Variants in ASB5 observed in about 807,000 individuals in gnomAD.
ASB5 encodes ankyrin repeat and SOCS box protein 5.
In ASB5, 45 loss-of-function variants were observed where a neutral mutation model predicts 42.1. That is an observed-to-expected ratio of 1.07 (90% CI 0.84 to 1.37). ASB5 has a LOEUF of 1.37. ASB5 is among the 40% of genes most tolerant of loss of function. The pLI, the probability that ASB5 is intolerant of heterozygous loss-of-function variation, is 0.00. For synonymous variants in ASB5, 147 were observed against 150.6 expected (o/e 0.98, Z 0.18); for missense variants, 402 against 399.8 (o/e 1.01, Z -0.05).
At chr4:176,243,723 C>T (rs1753855771) in intron 1 of ASB5, among the ~76,000 whole-genome samples, 1 of 152,014 alleles carries the variant, frequency 6.6e-6, no homozygotes, top group Non-Finnish European at 1.5e-5. Context: ...AGGCTGGTCT[C>T]GAACCGCTGA....
chr4:176,217,114 G>T (rs1055503486), intron 5 of ASB5, 105 bp from the exon 6 acceptor site: 5 of 899,290 alleles, frequency 5.6e-6, no homozygotes, highest in Non-Finnish European at 8.6e-6. Flanking sequence ...AGGTTATTAA[G>T]GGGACTTCAA....
At chr4:176,272,758 C>T (rs1465063000), upstream of ASB5, among the ~76,000 whole-genome samples, 1 of 152,024 alleles carries the variant, frequency 6.6e-6, no homozygotes, top group African/African-American at 2.4e-5. Context: ...TTTAAATTCT[C>T]ATAAAAGAGG....
chr4:176,215,567 G>T lies in ASB5; in HGVS notation c.*33C>A. ...CTTAAGCAAAAGAAATAGAAATTTT[G>T]ATTTTCAAGGTATTTAGAATTACTT... On this transcript the variant is annotated 3_prime_UTR_variant, in exon 7 of 7. Transcript: ENST00000296525. The T allele has an allele frequency of 6.3e-7, 1 of 1,587,660 alleles. No individual in the cohort carries two copies. The highest frequency in any genetic ancestry group is 1.1e-5 in the South Asian group (1 of 88,158).
intron 1 of ASB5, among the ~76,000 whole-genome samples, chr4:176,261,072 C>T (rs966457435): frequency 3.3e-5 from 5 of 152,066 alleles, no homozygotes; most frequent in African/African-American, 1.2e-4. Context: ...AGAGGTGTTC[C>T]AAATACTTCA....
intron 1 of ASB5, among the ~76,000 whole-genome samples, chr4:176,233,448 TA>T (rs35249968): frequency 0.16 from 23,891 of 152,200 alleles, 2,482 homozygotes; most frequent in Middle Eastern, 0.29. Flanking sequence ...AATCCATTTC[TA>T]AAAGCCAGCA....
chr4:176,238,295 T>G (rs1218835198), intron 1 of ASB5, among the ~76,000 whole-genome samples: 9 of 152,046 alleles, frequency 5.9e-5, no homozygotes, highest in Admixed American at 4.6e-4. Context: ...TAGAATTGGC[T>G]TCAATACAAA....
intron 2 of ASB5, among the ~76,000 whole-genome samples, chr4:176,274,909 A>ATTTTTTTTTTTTTTTTTTTTTTTTTTTT (rs35690692): frequency 1.9e-5 from 2 of 106,304 alleles, no homozygotes; most frequent in Non-Finnish European, 3.7e-5. Flanking sequence ...CAGCATAGCA[A>ATTTTTTTTTTTTTTTTTTTTTTTTTTTT]TTTTTTTTTT....
In ASB5 at chr4:176,215,829, T is replaced by C. The variant is rs114954525; in HGVS notation, c.863-102A>G. On this transcript the variant is annotated intron_variant, in intron 6 of 6. Coordinates refer to ENST00000296525, the MANE Select transcript of ASB5 (RefSeq NM_080874.4). ...CCATAAAAACTACAATGCTTTGTAG[T>C]AAACCTAGGATAGCATGACCACTAT... The C allele has an allele frequency of 1.0e-3, 1,202 of 1,186,772 alleles. 8 individuals carry two copies. The African/African-American group carries it at 0.015, about 15-fold the overall frequency. 73.5% of individuals were successfully genotyped at this position (1,186,772 alleles called of 1,614,324 possible).
chr4:176,219,585 T>TATATATATTTGTATGATATATAA (rs1753135626), intron 5 of ASB5, among the ~76,000 whole-genome samples: 1 of 26,462 alleles, frequency 3.8e-5, no homozygotes, highest in Non-Finnish European at 8.0e-5. Flanking sequence ...GATATATATA[T>TATATATATTTGTATGATATATAA]ATATATATAT....
At chr4:176,224,370 G>A (rs912115114) in intron 2 of ASB5, among the ~76,000 whole-genome samples, 3 of 151,810 alleles carry the variant, frequency 2.0e-5, no homozygotes, top group Admixed American at 2.0e-4. Context: ...AAGTAGCTGG[G>A]ACTACAGGTG....
At chr4:176,216,272 G>C (rs1043484212) in intron 6 of ASB5, among the ~76,000 whole-genome samples, 3 of 152,112 alleles carry the variant, frequency 2.0e-5, no homozygotes, top group Non-Finnish European at 4.4e-5. Context: ...TGCATATAAT[G>C]CATTACTGAA....
Position 176,221,245 on chromosome 4 carries a change from C to T in ASB5, c.580G>A (p.Val194Ile), listed in dbSNP as rs1003817949. 2.5e-6 allele frequency: 4 copies of T among 1,614,024 alleles called. No homozygotes were observed. Among genetic ancestry groups the T allele is most frequent in the African/African-American group, 1.3e-5 (1 of 74,920 alleles). Residue 194 changes from valine (V) to isoleucine (I), a missense_variant, in exon 5 of 7, where the codon GTT becomes ATT. Val to Ile is a conservative substitution (Grantham distance 29). Coordinates refer to ENST00000296525, the MANE Select transcript of ASB5 (RefSeq NM_080874.4). The stretch of plus-strand genomic sequence containing the variant: ...CCCAAATGAGGAATTTCTTGGTCAA[C>T]ATCTATGCCCCAGGATATCAGGATG... ...LDILISWGID[V>I]DQEIPHLGTP...
At chr4:176,270,635 C>A (rs1754451905), upstream of ASB5, among the ~76,000 whole-genome samples, 1 of 152,120 alleles carries the variant, frequency 6.6e-6, no homozygotes, top group Non-Finnish European at 1.5e-5. Flanking sequence ...GCTAGGCAGA[C>A]ATTAATTAGA....
At chr4:176,238,521 A>G (rs1411730633) in intron 1 of ASB5, among the ~76,000 whole-genome samples, 3 of 152,242 alleles carry the variant, frequency 2.0e-5, no homozygotes, top group Non-Finnish European at 4.4e-5. Flanking sequence ...CACAGAGTCT[A>G]TGATGGAATC....
rs533965819 is a variant in ASB5 at position 176,265,257 on chromosome 4, T to C, written c.196+3656A>G. On this transcript the variant is annotated intron_variant, in intron 1 of 6. Coordinates refer to ENST00000296525, the MANE Select transcript of ASB5 (RefSeq NM_080874.4). ...AAATCTACTGACTCCCAACAGTCCA[T>C]GTGCACCCATAAATCCATGCCTTGC... Among the ~76,000 whole-genome samples, 4 of 152,268 alleles carry C rather than the reference T, an allele frequency of 2.6e-5. No individual in the cohort carries two copies. In the East Asian group the frequency reaches 5.8e-4, roughly 22 times the overall value.
intron 5 of ASB5, among the ~76,000 whole-genome samples, chr4:176,219,615 T>C (rs1344607391): frequency 4.3e-5 from 5 of 115,522 alleles, no homozygotes; most frequent in Non-Finnish European, 6.9e-5. Flanking sequence ...TATATATATA[T>C]ATAGGCTGGA....
intron 1 of ASB5, among the ~76,000 whole-genome samples, chr4:176,244,033 C>T (rs373819191): frequency 8.6e-5 from 13 of 152,020 alleles, no homozygotes; most frequent in Admixed American, 5.2e-4. Flanking sequence ...ATTTAATCAC[C>T]GATGTATTTG....
At chr4:176,225,771 G>T (rs1753360686) in intron 1 of ASB5, among the ~76,000 whole-genome samples, 1 of 152,082 alleles carries the variant, frequency 6.6e-6, no homozygotes, top group African/African-American at 2.4e-5. Context: ...TGTATTTTTA[G>T]TAGAGACAGG....
chr4:176,232,365 C>G (rs1351646540), intron 1 of ASB5, among the ~76,000 whole-genome samples: 1 of 151,998 alleles, frequency 6.6e-6, no homozygotes, highest in East Asian at 1.9e-4. Context: ...CTCAGATGAT[C>G]CACCCGCCTC....
Sources: allele counts gnomAD v4.1 joint callset (sites outside exome capture counted in the v4.1 genomes callset), GRCh38; gene constraint gnomAD v4.1.1; transcripts MANE v1.5; gene names NCBI Gene and HGNC (gene_info 2026-07-23, HGNC 2026-07-21).